EPHA6: variants seen among roughly 807,000 people sequenced by gnomAD.
EPHA6 encodes EPH receptor A6, also known as ephrin type-A receptor 6.
EPHA6 carries 50 observed loss-of-function variants against 112.0 expected under a neutral mutation model. The ratio of observed to expected loss-of-function variants is 0.45; its 90% CI spans 0.36 to 0.56. The LOEUF is 0.56. Among genes scored for constraint, EPHA6 ranks in the 20% least tolerant of loss-of-function variants. The pLI is 0.00. For missense variants in EPHA6, 1,280 were observed against 1,417.4 expected, an observed-to-expected ratio of 0.90 and a Z score of 1.56; for synonymous variants, 529 against 490.7, an observed-to-expected ratio of 1.08 and a Z score of -1.03.
chr3:97,699,010 A>G (rs2107730370), intron 14 of EPHA6, among the ~76,000 whole-genome samples: 1 of 152,364 alleles, frequency 6.6e-6, no homozygotes, highest in East Asian at 1.9e-4. Context: ...GGAAAATGCT[A>G]TGGTCAGTTG....
intron 3 of EPHA6, among the ~76,000 whole-genome samples, chr3:97,034,859 A>C (rs1173949559): frequency 6.6e-6 from 1 of 151,902 alleles, no homozygotes; most frequent in African/African-American, 2.4e-5. Flanking sequence ...AACTTTTCTG[A>C]GACCTCAGAG....
chr3:97,332,378 A>C (rs952669729), intron 5 of EPHA6, among the ~76,000 whole-genome samples: 9 of 152,070 alleles, frequency 5.9e-5, no homozygotes, highest in Admixed American at 3.9e-4. Context: ...CACCACTCCT[A>C]TTCAACATAG....
At chr3:96,989,254 G>C (rs1453086986) in intron 3 of EPHA6, among the ~76,000 whole-genome samples, 1 of 152,088 alleles carries the variant, frequency 6.6e-6, no homozygotes, top group Non-Finnish European at 1.5e-5. Flanking sequence ...TTGGGTTCTT[G>C]ACTCTTTAGA....
At chr3:97,240,253 G>T (rs985118445) in intron 4 of EPHA6, among the ~76,000 whole-genome samples, 2 of 151,684 alleles carry the variant, frequency 1.3e-5, no homozygotes, top group Non-Finnish European at 1.5e-5. Context: ...TCTTTAAATG[G>T]TTCAGTGTGT....
At chr3:97,683,045 A>G (rs1308840109) in intron 14 of EPHA6, among the ~76,000 whole-genome samples, 1 of 152,296 alleles carries the variant, frequency 6.6e-6, no homozygotes, top group East Asian at 1.9e-4. Context: ...ATAATGCTTT[A>G]TTAGATATCA....
intron 11 of EPHA6, among the ~76,000 whole-genome samples, chr3:97,576,115 A>G (rs576562831): frequency 6.8e-4 from 103 of 152,270 alleles, no homozygotes; most frequent in African/African-American, 2.4e-3. Context: ...TGCTACCCTA[A>G]GGAATTTGGG....
chr3:96,883,436 A>G (rs1168468256), intron 2 of EPHA6, among the ~76,000 whole-genome samples: 5 of 152,102 alleles, frequency 3.3e-5, no homozygotes. Flanking sequence ...CCAGCTATTT[A>G]TCTTTGTTTT....
intron 2 of EPHA6, among the ~76,000 whole-genome samples, chr3:96,898,318 T>C (rs2038394391): frequency 6.6e-6 from 1 of 152,202 alleles, no homozygotes; most frequent in African/African-American, 2.4e-5. Flanking sequence ...TGAGGAACCA[T>C]GCTAAGGATC....
At chr3:96,875,738 C>T (rs542727342) in intron 2 of EPHA6, among the ~76,000 whole-genome samples, 5 of 151,694 alleles carry the variant, frequency 3.3e-5, no homozygotes, top group Middle Eastern at 3.4e-3. Context: ...ATACACATTA[C>T]ACACACACAC....
chr3:97,354,987 C>A (rs965008121), intron 5 of EPHA6, among the ~76,000 whole-genome samples: 6 of 151,818 alleles, frequency 4.0e-5, no homozygotes, highest in African/African-American at 1.2e-4. Context: ...AACAAACAAC[C>A]CTTTATCCTG....
chr3:97,422,323 A>T (rs1438698143), intron 6 of EPHA6, among the ~76,000 whole-genome samples: 1 of 152,162 alleles, frequency 6.6e-6, no homozygotes, highest in Non-Finnish European at 1.5e-5. Context: ...AACCTTATGT[A>T]AGATCTGTAT....
chr3:96,868,170 G>A (rs1045144827), intron 2 of EPHA6, among the ~76,000 whole-genome samples: 1 of 145,602 alleles, frequency 6.9e-6, no homozygotes, highest in East Asian at 2.0e-4. Flanking sequence ...GTGTGTGTGT[G>A]TGTGTGAGAG....
At chr3:97,533,405 T>C (rs551151827) in intron 11 of EPHA6, among the ~76,000 whole-genome samples, 4 of 152,132 alleles carry the variant, frequency 2.6e-5, no homozygotes, top group African/African-American at 9.7e-5. Flanking sequence ...CAATTGACTC[T>C]GTGTCTGAAA....
intron 5 of EPHA6, among the ~76,000 whole-genome samples, chr3:97,392,549 C>T (rs2086471108): frequency 6.6e-6 from 1 of 151,632 alleles, no homozygotes; most frequent in South Asian, 2.1e-4. Context: ...TGACATTTTA[C>T]ATATTATGCT....
rs149469828 is a variant in EPHA6 at position 97,607,438 on chromosome 3, A to C, written c.2513-3355A>C. On this transcript the variant is annotated intron_variant, in intron 12 of 17. Coordinates refer to ENST00000389672, the MANE Select transcript of EPHA6 (RefSeq NM_001080448.3). ...AAATAATTTTTCTTTTCTATAACAG[A>C]AAAGGATGATAAGGGGTTTTTGCAA... 1.8e-4 allele frequency among the ~76,000 whole-genome samples: 27 copies of C among 151,244 alleles called. No homozygotes were observed. In the East Asian group the frequency reaches 4.6e-3, roughly 26 times the overall value.
rs540415120 is a variant in EPHA6, at chr3:97,401,493, T to G, written c.1607-3657T>G. 1.5e-3 allele frequency among the ~76,000 whole-genome samples: 231 copies of G among 151,972 alleles called. 1 individual carries two copies. The highest frequency in any genetic ancestry group is 5.1e-3 in the African/African-American group (210 of 41,534). On this transcript the variant is annotated intron_variant, in intron 5 of 17. Coordinates refer to ENST00000389672, the MANE Select transcript of EPHA6 (RefSeq NM_001080448.3). ...TGTGGTTTATAACAGTCTCTAATGA[T>G]CCTTTGTATTCTTGTGGTATCAGTT...
intron 3 of EPHA6, among the ~76,000 whole-genome samples, chr3:97,186,715 ATCAT>A (rs1238820004): frequency 1.3e-5 from 2 of 152,120 alleles, no homozygotes; most frequent in Non-Finnish European, 2.9e-5. Context: ...AATCTTGAGG[ATCAT>A]TCATTTTTGT....
intron 2 of EPHA6, among the ~76,000 whole-genome samples, chr3:96,983,462 C>G (rs1230349238): frequency 6.6e-6 from 1 of 152,128 alleles, no homozygotes; most frequent in Admixed American, 6.5e-5. Flanking sequence ...GTAATGTGAC[C>G]TTTCTCTCTG....
intron 2 of EPHA6, among the ~76,000 whole-genome samples, chr3:96,868,478 C>T (rs1053157175): frequency 3.3e-5 from 5 of 151,852 alleles, no homozygotes; most frequent in African/African-American, 1.2e-4. Context: ...AACCATTAAT[C>T]AGTTTATAAC....
Sources: gnomAD v4.1 joint callset for allele counts (sites outside exome capture counted in the v4.1 genomes callset) on GRCh38, gnomAD v4.1.1 for gene constraint, MANE v1.5 for transcripts, NCBI Gene and HGNC (gene_info 2026-07-23, HGNC 2026-07-21) for gene names.